NLGN1: variants seen among roughly 807,000 people sequenced by gnomAD.
NLGN1 encodes neuroligin 1, also known as neuroligin-1.
NLGN1 carries 12 observed loss-of-function variants against 65.5 expected under a neutral mutation model. The observed-to-expected ratio is 0.18, with a 90% CI of 0.12 to 0.30. NLGN1 has a LOEUF of 0.30. NLGN1 is among the 10% of genes least tolerant of loss of function. The pLI, the probability that NLGN1 is intolerant of heterozygous loss-of-function variation, is 1.00. For synonymous variants in NLGN1, 350 were observed against 359.5 expected (o/e 0.97, Z 0.30); for missense variants, 750 against 1,007.1 (o/e 0.74, Z 3.46).
intron 3 of NLGN1, among the ~76,000 whole-genome samples, chr3:173,803,961 T>C (rs9838350): frequency 6.6e-6 from 1 of 152,136 alleles, no homozygotes; most frequent in Non-Finnish European, 1.5e-5. Flanking sequence ...TAAACATATT[T>C]AATGATTATA....
At chr3:173,791,637 T>G (rs527983132) in intron 3 of NLGN1, among the ~76,000 whole-genome samples, 1 of 152,176 alleles carries the variant, frequency 6.6e-6, no homozygotes, top group African/African-American at 2.4e-5. Flanking sequence ...TTTCCAGTTG[T>G]AATATGATTA....
At chr3:173,529,896 C>T (rs572529992) in intron 2 of NLGN1, among the ~76,000 whole-genome samples, 4 of 151,960 alleles carry the variant, frequency 2.6e-5, no homozygotes, top group African/African-American at 7.3e-5. Context: ...GGTCAGGTGT[C>T]AGTGGTGTAG....
At chr3:173,925,084 C>A (rs963887847) in intron 4 of NLGN1, among the ~76,000 whole-genome samples, 1 of 151,934 alleles carries the variant, frequency 6.6e-6, no homozygotes, top group Admixed American at 6.6e-5. Context: ...CAAAATGGAT[C>A]AAACCTATTT....
At chr3:173,654,148 C>T (rs1759624273) in intron 3 of NLGN1, among the ~76,000 whole-genome samples, 1 of 152,024 alleles carries the variant, frequency 6.6e-6, no homozygotes, top group African/African-American at 2.4e-5. Context: ...TGTTATAAGC[C>T]AGAAAAATTA....
intron 2 of NLGN1, among the ~76,000 whole-genome samples, chr3:173,574,080 A>AG: frequency 6.6e-6 from 1 of 150,712 alleles, no homozygotes; most frequent in Admixed American, 6.6e-5. Flanking sequence ...AAAAAAAAAA[A>AG]AAAGAAAAAG....
rs1441467074 is a variant in NLGN1 at position 174,257,432 on chromosome 3, T to C, written c.647-17883T>C. On this transcript the variant is annotated intron_variant, in intron 4 of 6. Transcript: ENST00000457714. The stretch of plus-strand genomic sequence containing the variant: ...TATATATCCAAAGGAATATTAATTG[T>C]CCTATTATAAAGGTACATGCACACA... 2.0e-5 allele frequency among the ~76,000 whole-genome samples: 3 copies of C among 152,290 alleles called. No individual in the cohort carries two copies. The East Asian group carries it at 5.8e-4, about 29-fold the overall frequency.
intron 4 of NLGN1, among the ~76,000 whole-genome samples, chr3:174,151,163 A>C (rs1033118482): frequency 3.1e-5 from 2 of 65,352 alleles, no homozygotes; most frequent in African/African-American, 2.8e-4. Flanking sequence ...ATAGAAAGCC[A>C]AAAAAAAAAT....
intron 4 of NLGN1, among the ~76,000 whole-genome samples, chr3:174,170,007 C>T (rs1187108761): frequency 6.6e-6 from 1 of 152,130 alleles, no homozygotes; most frequent in Non-Finnish European, 1.5e-5. Context: ...CTGTCTCTCT[C>T]ACATACTGGG....
Position 173,677,090 on chromosome 3 carries a change from A to T in NLGN1, c.493+71999A>T, listed in dbSNP as rs894852619. Among the ~76,000 whole-genome samples the T allele has an allele frequency of 2.6e-5, 4 of 152,126 alleles. No individual in the cohort carries two copies. In the South Asian group the frequency reaches 8.3e-4, roughly 31 times the overall value. Reference sequence around the variant, plus strand: ...AAATGAAAGACCTGAGACTTAGGGAAAGACTATTTGTGTAGCCATCAGAAA... The same window carrying T: ...AAATGAAAGACCTGAGACTTAGGGATAGACTATTTGTGTAGCCATCAGAAA... On this transcript the variant is annotated intron_variant, in intron 3 of 6. Transcript: ENST00000457714.
intron 1 of NLGN1, among the ~76,000 whole-genome samples, chr3:173,398,692 C>T (rs1717071316): frequency 6.6e-6 from 1 of 152,146 alleles, no homozygotes. Context: ...TTTCCAGGGC[C>T]ATAGTGATAC....
chr3:174,264,746 G>C lies in NLGN1; in HGVS notation c.647-10569G>C, dbSNP rs543875919. Among the ~76,000 whole-genome samples the C allele has an allele frequency of 2.6e-5, 4 of 152,160 alleles. No homozygotes were observed. The East Asian group carries it at 7.8e-4, about 30-fold the overall frequency. ...GGTGAGGAGCTGCGTTCCTTTGGAG[G>C]AGGAGAGGCGCTCTGATTTTTAGAG... On this transcript the variant is annotated intron_variant, in intron 4 of 6. Transcript: ENST00000457714.
chr3:174,221,484 T>A (rs957064963), intron 4 of NLGN1, among the ~76,000 whole-genome samples: 15 of 152,208 alleles, frequency 9.9e-5, no homozygotes, highest in African/African-American at 3.6e-4. Context: ...TGGTCTTGGG[T>A]TCCAGTTATG....
At chr3:174,072,142 T>C (rs1301198165) in intron 4 of NLGN1, among the ~76,000 whole-genome samples, 1 of 152,218 alleles carries the variant, frequency 6.6e-6, no homozygotes, top group Non-Finnish European at 1.5e-5. Flanking sequence ...TAAGTCTAAG[T>C]CTACTTTCAC....
intron 3 of NLGN1, among the ~76,000 whole-genome samples, chr3:173,790,564 GA>G (rs1467699102): frequency 6.6e-6 from 1 of 152,108 alleles, no homozygotes; most frequent in Non-Finnish European, 1.5e-5. Context: ...ACTAATAATA[GA>G]GAGGATAAGA....
At chr3:174,119,040 G>A (rs534443534) in intron 4 of NLGN1, among the ~76,000 whole-genome samples, 1 of 152,216 alleles carries the variant, frequency 6.6e-6, no homozygotes, top group South Asian at 2.1e-4. Context: ...AGTGGAATAT[G>A]CTTTTTTCTT....
At position 173,849,546 on chromosome 3, in the gene NLGN1, A is replaced by G. The variant is rs150838901; in HGVS notation, c.646+41714A>G. Among the ~76,000 whole-genome samples, 892 of 152,324 alleles carry G rather than the reference A, an allele frequency of 5.9e-3. 20 individuals are homozygous for G. Among genetic ancestry groups the G allele is most frequent in the Admixed American group, 0.036 (556 of 15,302 alleles). ...ATGTATTATATTTTACTAATACAAAATCAGCGGTATGCAAAATGTTAGGCA... is the reference window on the plus strand; with the variant it reads ...ATGTATTATATTTTACTAATACAAAGTCAGCGGTATGCAAAATGTTAGGCA... On this transcript the variant is annotated intron_variant, in intron 4 of 6. Transcript: ENST00000457714.
intron 4 of NLGN1, among the ~76,000 whole-genome samples, chr3:174,068,503 A>G (rs1210336202): frequency 3.3e-5 from 5 of 152,048 alleles, no homozygotes; most frequent in South Asian, 4.1e-4. Flanking sequence ...TAAAATGCCA[A>G]TTTCCAGTAG....
chr3:173,957,755 G>T (rs1199401362), intron 4 of NLGN1, among the ~76,000 whole-genome samples: 1 of 152,110 alleles, frequency 6.6e-6, no homozygotes, highest in Non-Finnish European at 1.5e-5. Context: ...GAGATTCTTG[G>T]GGTGTTGCTT....
chr3:173,878,712 G>GTA (rs1732653795), intron 4 of NLGN1, among the ~76,000 whole-genome samples: 1 of 150,856 alleles, frequency 6.6e-6, no homozygotes, highest in Non-Finnish European at 1.5e-5. Context: ...ACATATATAA[G>GTA]TGTGTATATA....
Sources: gnomAD v4.1 joint callset for allele counts (sites outside exome capture counted in the v4.1 genomes callset) on GRCh38, gnomAD v4.1.1 for gene constraint, MANE v1.5 for transcripts, NCBI Gene and HGNC (gene_info 2026-07-23, HGNC 2026-07-21) for gene names.